DENND6B: variants seen among roughly 807,000 people sequenced by gnomAD.
DENND6B encodes the protein protein DENND6B.
Under a neutral mutation model 85.1 loss-of-function variants are expected in DENND6B, and 73 were observed. That is an observed-to-expected ratio of 0.86 (90% CI 0.71 to 1.04). DENND6B has a LOEUF of 1.04. DENND6B is among the 50% of genes least tolerant of loss of function. The pLI, the probability that DENND6B is intolerant of heterozygous loss-of-function variation, is 0.00. For missense variants in DENND6B, 715 were observed against 785.8 expected, an observed-to-expected ratio of 0.91 and a Z score of 1.08; for synonymous variants, 357 against 329.3, an observed-to-expected ratio of 1.08 and a Z score of -0.91.
intron 1 of DENND6B, among the ~76,000 whole-genome samples, chr22:50,319,768 T>C (rs765123091): frequency 3.3e-5 from 5 of 152,090 alleles, no homozygotes; most frequent in African/African-American, 9.7e-5. Flanking sequence ...TGTCAGGCCC[T>C]CTCCCCGTCC....
At position 50,318,981 on chromosome 22, in the gene DENND6B, C is replaced by T. The variant is rs1054756736; in HGVS notation, c.200G>A (p.Arg67Gln). The T allele has an allele frequency of 3.1e-5, 49 of 1,604,560 alleles. No individual in the cohort carries two copies. The highest frequency in any genetic ancestry group is 9.4e-5 in the African/African-American group (7 of 74,684). Residue 67 changes from arginine (R) to glutamine (Q), a missense_variant, in exon 2 of 20, where the codon CGG (arginine) becomes CAG (glutamine). Arg to Gln is a conservative substitution (Grantham distance 43). Transcript: ENST00000413817. ...GGGACTCACCTCCTTGTCTGTGAGC[C>T]GGAAGTCGTTCGGATACACCAGCTG... is the stretch of plus-strand genomic sequence containing the variant. ...ALELVYPNDF[R>Q]LTDKEKSSIC...
At position 50,311,876 on chromosome 22, in the gene DENND6B, T is replaced by C. The variant is rs1724216335; in HGVS notation, c.*263A>G. 1.9e-6 allele frequency: 1 copy of C among 531,992 alleles called. No individual in the cohort carries two copies. Among genetic ancestry groups the C allele is most frequent in the African/African-American group, 1.9e-5 (1 of 52,152 alleles). The allele number at this position is 531,992 out of a possible 1,614,324, so 33.0% of individuals were successfully genotyped here. A position where few individuals can be genotyped will look rare whatever the true frequency, so the allele number is the denominator to read the frequency against. On this transcript the variant is annotated 3_prime_UTR_variant, in exon 20 of 20. Transcript: ENST00000413817. ...GGCTCCCAGCCTGTCCCCGCCCCCG[T>C]CCCAGCCTAAGGTCTGCAGAGGCCA...
At chr22:50,320,271 C>T (rs1204139004) in intron 1 of DENND6B, among the ~76,000 whole-genome samples, 3 of 152,228 alleles carry the variant, frequency 2.0e-5, no homozygotes, top group African/African-American at 4.8e-5. Flanking sequence ...CAGGCTGGAG[C>T]GCAATGGCAC....
chr22:50,326,782 C>CCGCCCG lies in DENND6B; in HGVS notation c.177+24_177+29dup, dbSNP rs531942009. ...CCCCGAGAGGCGCAGCCCTGCCCAC[C>CCGCCCG]CGCCCGCGCCCGCGCTCGCGCCCGC... On this transcript the variant is annotated intron_variant, in intron 1 of 19. Coordinates refer to ENST00000413817, the MANE Select transcript of DENND6B (RefSeq NM_001001794.4). The CCGCCCG allele has an allele frequency of 8.9e-4, 1,211 of 1,354,296 alleles. 6 individuals are homozygous for CCGCCCG. The East Asian group carries it at 0.014, about 16-fold the overall frequency. 83.9% of individuals were successfully genotyped at this position (1,354,296 alleles called of 1,614,324 possible). A position where few individuals can be genotyped will look rare whatever the true frequency, so the allele number is the denominator to read the frequency against.
intron 5 of DENND6B, chr22:50,316,697 G>T: frequency 6.8e-7 from 1 of 1,478,866 alleles, no homozygotes; most frequent in Non-Finnish European, 9.0e-7. Context: ...CGGCCGGTGG[G>T]GCTGGACCCT....
rs765641629 is a variant in DENND6B, at chr22:50,312,569, A to G, written c.1514T>C (p.Met505Thr). 1.3e-6 allele frequency: 2 copies of G among 1,594,492 alleles called. No individual in the cohort carries two copies. Among genetic ancestry groups the G allele is most frequent in the Admixed American group, 1.7e-5 (1 of 57,586 alleles). The part of the protein sequence containing the change: ...DGWYRQRHKE[M>T]ALKLEALHLE... Reference sequence around the variant, plus strand: ...GTGCAGGGCCTCCAGCTTCAGGGCCATCTCCTTGTGCCGCTGCCGGTACCA... The same window carrying G: ...GTGCAGGGCCTCCAGCTTCAGGGCCGTCTCCTTGTGCCGCTGCCGGTACCA... Residue 505 changes from methionine (M) to threonine (T), a missense_variant, in exon 18 of 20, where the codon ATG (methionine) becomes ACG (threonine). Physicochemically the swap from Met to Thr is moderately conservative, Grantham distance 81. Transcript: ENST00000413817.
intron 4 of DENND6B, 58 bp downstream of exon 4, chr22:50,317,850 T>C: frequency 2.0e-6 from 3 of 1,527,788 alleles, no homozygotes; most frequent in Non-Finnish European, 2.6e-6. Context: ...AGCCTGACCC[T>C]GGCAGGACCC....
In DENND6B at chr22:50,312,177, G is replaced by A. The variant is rs140552754; in HGVS notation, c.1720C>T (p.Leu574=). The part of the protein sequence containing the change: ...QLYIETVIGS[L]PKDLQAVLCP... ...AAGACAGCCTGCAGGTCTTTGGGCA[G>A]GGAGCCGATGACCGTCTCGATGTAC... Residue 574 remains leucine, a synonymous_variant, in exon 20 of 20, where the codon CTG becomes TTG. Coordinates refer to ENST00000413817, the MANE Select transcript of DENND6B (RefSeq NM_001001794.4). 21 of 1,612,536 alleles carry A rather than the reference G, an allele frequency of 1.3e-5. No individual in the cohort carries two copies. The highest frequency in any genetic ancestry group is 1.8e-5 in the Non-Finnish European group (21 of 1,179,764).
intron 15 of DENND6B, 22 bp downstream of exon 15, chr22:50,313,613 G>A: frequency 1.6e-6 from 2 of 1,220,840 alleles, no homozygotes; most frequent in Non-Finnish European, 2.1e-6. Flanking sequence ...CCAGTCCCAT[G>A]TCCCCCAGCC....
chr22:50,313,747 C>A, intron 14 of DENND6B, 23 bp from the exon 15 acceptor site: 1 of 1,605,864 alleles, frequency 6.2e-7, no homozygotes, highest in Non-Finnish European at 8.5e-7. Flanking sequence ...GAGGGCCAGG[C>A]CCTTGCTGCG....
chr22:50,314,743 C>T (rs1375256211), intron 10 of DENND6B, 43 bp from the exon 11 acceptor site: 1 of 1,573,264 alleles, frequency 6.4e-7, no homozygotes, highest in Non-Finnish European at 8.6e-7. Context: ...CAGGGGCAGC[C>T]CAGGCACAGC....
chr22:50,326,219 C>A (rs1418209503), intron 1 of DENND6B, among the ~76,000 whole-genome samples: 1 of 152,246 alleles, frequency 6.6e-6, no homozygotes, highest in East Asian at 1.9e-4. Context: ...AACAGACCCC[C>A]ACGAGCAAGA....
intron 5 of DENND6B, 47 bp from the exon 6 acceptor site, chr22:50,316,522 C>G (rs776188245): frequency 6.4e-7 from 1 of 1,550,628 alleles, no homozygotes; most frequent in South Asian, 1.2e-5. Flanking sequence ...AGGCCTCACC[C>G]TCGCCACTCA....
Position 50,314,187 on chromosome 22 carries a change from A to C in DENND6B, c.1138+20T>G. ...GGCCTCTCCACGGTGGAGGGGCTCC[A>C]GGTCGAGGGGAGCACAGACCTGGCT... On this transcript the variant is annotated intron_variant, in intron 13 of 19. Coordinates refer to ENST00000413817, the MANE Select transcript of DENND6B (RefSeq NM_001001794.4). The C allele has an allele frequency of 1.3e-6, 2 of 1,593,216 alleles. No individual in the cohort carries two copies. The highest frequency in any genetic ancestry group is 2.2e-5 in the South Asian group (2 of 90,436).
intron 12 of DENND6B, 26 bp from the exon 13 acceptor site, chr22:50,314,298 C>A: frequency 6.2e-7 from 1 of 1,605,414 alleles, no homozygotes; most frequent in Non-Finnish European, 8.5e-7. Flanking sequence ...GGTGGCCAGG[C>A]CTCAGTGCCC....
rs2041946561 is a variant in DENND6B, at chr22:50,318,906, C to G, written c.217-17G>C. Reference sequence around the variant, plus strand: ...GCTGCTTTTCTGAAACATATAAAACCCCGGTGAGGGCCGACCCACTCCTGG... The same window carrying G: ...GCTGCTTTTCTGAAACATATAAAACGCCGGTGAGGGCCGACCCACTCCTGG... On this transcript the variant is annotated splice_polypyrimidine_tract_variant and intron_variant, in intron 2 of 19. Transcript: ENST00000413817. 1 of 1,612,370 alleles carries G rather than the reference C, an allele frequency of 6.2e-7. No individual in the cohort carries two copies. Among genetic ancestry groups the G allele is most frequent in the Non-Finnish European group, 8.5e-7 (1 of 1,179,428 alleles).
At chr22:50,322,834 G>A (rs137958499) in intron 1 of DENND6B, among the ~76,000 whole-genome samples, 156 of 149,598 alleles carry the variant, frequency 1.0e-3, no homozygotes, top group African/African-American at 3.4e-3. Flanking sequence ...ACAGGCATGA[G>A]CCACCGTGCC....
chr22:50,313,874 G>A lies in DENND6B; in HGVS notation c.1143C>T (p.Leu381=). The A allele has an allele frequency of 6.2e-7, 1 of 1,609,546 alleles. No individual in the cohort carries two copies. Residue 381 remains leucine, a synonymous_variant, in exon 14 of 20, where the codon CTC becomes CTT. Transcript: ENST00000413817. The part of the protein sequence containing the change: ...RLKTLDTKPG[L]YTAYTAHLHR... ...GGAGGTGGGCCGTGTAAGCGGTGTA[G>A]AGGCCTGGCGGGAGGGCACAGCTGG...
intron 1 of DENND6B, among the ~76,000 whole-genome samples, chr22:50,324,612 C>T (rs2042142483): frequency 6.6e-6 from 1 of 151,966 alleles, no homozygotes. Context: ...TTAGTAGAGA[C>T]AGGGTTTCTC....
Sources: gnomAD v4.1 joint callset for allele counts (sites outside exome capture counted in the v4.1 genomes callset) on GRCh38, gnomAD v4.1.1 for gene constraint, MANE v1.5 for transcripts, NCBI Gene and HGNC (gene_info 2026-07-23, HGNC 2026-07-21) for gene names.